The following BRINP2 variants were observed in gnomAD, a reference collection of about 807,000 sequenced individuals.
BRINP2 encodes the protein BMP/retinoic acid-inducible neural-specific protein 2.
In BRINP2, 21 loss-of-function variants were observed where a neutral mutation model predicts 69.2. The ratio of observed to expected loss-of-function variants is 0.30; its 90% CI spans 0.22 to 0.44. The LOEUF is 0.44. BRINP2 is among the 20% of genes least tolerant of loss of function. The probability of loss-of-function intolerance (pLI) is 1.00; values close to 1 mark genes in which losing one functional copy is unlikely to be tolerated. For synonymous variants in BRINP2, 380 were observed against 394.1 expected (o/e 0.96, Z 0.42); for missense variants, 877 against 986.0 (o/e 0.89, Z 1.48).
intron 2 of BRINP2, among the ~76,000 whole-genome samples, chr1:177,252,307 C>T (rs982451798): frequency 3.3e-5 from 5 of 152,130 alleles, no homozygotes; most frequent in East Asian, 1.9e-4. Context: ...ATTAGTCACC[C>T]GCTTTTCTTT....
At chr1:177,254,378 G>GCACACACACACACACACACA (rs71565492) in intron 2 of BRINP2, among the ~76,000 whole-genome samples, 1 of 143,938 alleles carries the variant, frequency 6.9e-6, no homozygotes, top group African/African-American at 2.5e-5. Flanking sequence ...AAGCACACAT[G>GCACACACACACACACACACA]CACACACACA....
intron 6 of BRINP2, among the ~76,000 whole-genome samples, chr1:177,278,224 G>A (rs1651565656): frequency 6.6e-6 from 1 of 152,082 alleles, no homozygotes. Flanking sequence ...TGTTGTGGAT[G>A]TCTTAGAAGG....
intron 1 of BRINP2, among the ~76,000 whole-genome samples, chr1:177,226,228 G>A (rs1031898444): frequency 6.6e-6 from 1 of 152,194 alleles, no homozygotes; most frequent in Non-Finnish European, 1.5e-5. Context: ...TGAAGTAGCT[G>A]GGCCAAGGAC....
At chr1:177,200,581 A>C (rs1648882560) in intron 1 of BRINP2, among the ~76,000 whole-genome samples, 1 of 151,942 alleles carries the variant, frequency 6.6e-6, no homozygotes, top group Admixed American at 6.6e-5. Flanking sequence ...TCGGCTTGTC[A>C]TACTTTTTTC....
chr1:177,244,928 C>T (rs1650326750), intron 2 of BRINP2, among the ~76,000 whole-genome samples: 1 of 152,076 alleles, frequency 6.6e-6, no homozygotes, highest in African/African-American at 2.4e-5. Context: ...AAAGCAAAGT[C>T]ACAAAGCCAA....
Position 177,173,210 on chromosome 1 carries a change from A to G in BRINP2, c.-77+1478A>G, listed in dbSNP as rs565580345. Among the ~76,000 whole-genome samples the G allele has an allele frequency of 1.8e-4, 27 of 152,356 alleles. No individual in the cohort carries two copies. The South Asian group carries it at 5.6e-3, about 32-fold the overall frequency. ...GCAGCACTGAGGGCATGACCGAGACATGCTGCCACAATGATCCTGTCTTAT... is the reference window on the plus strand; with the variant it reads ...GCAGCACTGAGGGCATGACCGAGACGTGCTGCCACAATGATCCTGTCTTAT... On this transcript the variant is annotated intron_variant, in intron 1 of 7. Transcript: ENST00000361539.
intron 4 of BRINP2, among the ~76,000 whole-genome samples, chr1:177,270,090 G>C (rs1651259870): frequency 7.5e-6 from 1 of 133,742 alleles, no homozygotes; most frequent in Admixed American, 7.6e-5. Flanking sequence ...GGTGGGGGGG[G>C]TGGTTCTCAA....
At chr1:177,216,010 G>A (rs1344930619) in intron 1 of BRINP2, among the ~76,000 whole-genome samples, 2 of 151,912 alleles carry the variant, frequency 1.3e-5, no homozygotes, top group African/African-American at 4.8e-5. Flanking sequence ...GTGTCCTTAA[G>A]GAGAAGTGAA....
intron 4 of BRINP2, among the ~76,000 whole-genome samples, chr1:177,266,142 T>TAAA (rs1352469967): frequency 6.6e-6 from 1 of 151,170 alleles, no homozygotes; most frequent in Non-Finnish European, 1.5e-5. Flanking sequence ...ATAATAATAA[T>TAAA]AATATTAACC....
Position 177,257,084 on chromosome 1 carries a change from T to G in BRINP2, c.461-92T>G, listed in dbSNP as rs1218502249. On this transcript the variant is annotated intron_variant, in intron 3 of 7. Transcript: ENST00000361539. ...AGCAGGGGCTGCACTCTCTCTCAGCTGTGTCTATCTTGGCCAAGGGTTTTA... is the reference window on the plus strand; with the variant it reads ...AGCAGGGGCTGCACTCTCTCTCAGCGGTGTCTATCTTGGCCAAGGGTTTTA... 4.4e-6 allele frequency: 7 copies of G among 1,581,202 alleles called. No individual in the cohort carries two copies. The South Asian group carries it at 6.9e-5, about 16-fold the overall frequency.
At chr1:177,271,923 C>T (rs1366103525) in intron 4 of BRINP2, among the ~76,000 whole-genome samples, 3 of 152,162 alleles carry the variant, frequency 2.0e-5, no homozygotes, top group African/African-American at 7.2e-5. Flanking sequence ...TTTTGCTCAG[C>T]ATCACACAAT....
At position 177,281,535 on chromosome 1, in the gene BRINP2, G is replaced by A; in HGVS notation, c.*7G>A. ...CGGCAAACTCTGTAGCTAATGGGCGGCCCACTTCAGCACTGGGCAAGGAGG... is the reference window on the plus strand; with the variant it reads ...CGGCAAACTCTGTAGCTAATGGGCGACCCACTTCAGCACTGGGCAAGGAGG... On this transcript the variant is annotated 3_prime_UTR_variant, in exon 8 of 8. Transcript: ENST00000361539. The A allele has an allele frequency of 1.3e-6, 2 of 1,587,284 alleles. No individual in the cohort carries two copies. The highest frequency in any genetic ancestry group is 1.7e-6 in the Non-Finnish European group (2 of 1,171,740).
At chr1:177,223,506 C>T (rs1462662684) in intron 1 of BRINP2, among the ~76,000 whole-genome samples, 1 of 152,136 alleles carries the variant, frequency 6.6e-6, no homozygotes, top group Non-Finnish European at 1.5e-5. Flanking sequence ...AACTGATTGA[C>T]TGTTTGATGA....
chr1:177,181,871 C>G (rs1648262595), intron 1 of BRINP2, among the ~76,000 whole-genome samples: 1 of 152,240 alleles, frequency 6.6e-6, no homozygotes, highest in African/African-American at 2.4e-5. Flanking sequence ...AGGCGAAAAG[C>G]TGTGTTACAA....
chr1:177,251,814 G>C (rs1318396756), intron 2 of BRINP2, among the ~76,000 whole-genome samples: 1 of 152,116 alleles, frequency 6.6e-6, no homozygotes, highest in Admixed American at 6.6e-5. Flanking sequence ...CCACCTCTAT[G>C]CTAAGTTGGC....
At chr1:177,187,576 C>T (rs1648464133) in intron 1 of BRINP2, among the ~76,000 whole-genome samples, 1 of 152,104 alleles carries the variant, frequency 6.6e-6, no homozygotes, top group South Asian at 2.1e-4. Flanking sequence ...TCATATGAAG[C>T]CTGGAGGATC....
Position 177,276,295 on chromosome 1 carries a change from G to A in BRINP2, c.873G>A (p.Lys291=), listed in dbSNP as rs1651492196. 1 of 1,614,230 alleles carries A rather than the reference G, an allele frequency of 6.2e-7. No individual in the cohort carries two copies. ...GCTCTGAGGGTGAGCTCGTCTGCAA[G>A]GAGAATGACTGCTGGTGCAAGTGCA... The part of the protein sequence containing the change: ...TCSSEGELVC[K]ENDCWCKCSP... Residue 291 remains lysine, a synonymous_variant, in exon 6 of 8, where the codon AAG becomes AAA. Transcript: ENST00000361539.
rs1165879531 is a variant in BRINP2 at position 177,276,413 on chromosome 1, A to C, written c.991A>C (p.Asn331His). ...LQIQDSWATHNRQFEESEEFQ... is the reference protein window; with the variant it reads ...LQIQDSWATHHRQFEESEEFQ... The stretch of plus-strand genomic sequence containing the variant: ...GATCCAGGACTCCTGGGCCACTCAC[A>C]ACCGGCAGTTTGAAGAGTCAGGTGA... Residue 331 changes from asparagine to histidine, a missense_variant, in exon 6 of 8, where the codon AAC (asparagine) becomes CAC (histidine). Physicochemically the swap from Asn to His is moderately conservative, Grantham distance 68. Coordinates refer to ENST00000361539, the MANE Select transcript of BRINP2 (RefSeq NM_021165.4). 2 of 1,614,140 alleles carry C rather than the reference A, an allele frequency of 1.2e-6. No homozygotes were observed. Among genetic ancestry groups the C allele is most frequent in the Non-Finnish European group, 1.7e-6 (2 of 1,180,026 alleles).
chr1:177,244,562 A>G (rs1181049282), intron 2 of BRINP2, among the ~76,000 whole-genome samples: 1 of 152,220 alleles, frequency 6.6e-6, no homozygotes. Flanking sequence ...CCTGGGAGAC[A>G]GAGACTGCAG....
Sources: gnomAD v4.1 joint callset for allele counts (sites outside exome capture counted in the v4.1 genomes callset) on GRCh38, gnomAD v4.1.1 for gene constraint, MANE v1.5 for transcripts, NCBI Gene and HGNC (gene_info 2026-07-23, HGNC 2026-07-21) for gene names.